The following CFAP53 variants were observed in gnomAD, a reference collection of about 807,000 sequenced individuals.
CFAP53 encodes cilia- and flagella-associated protein 53.
CFAP53 carries 62 observed loss-of-function variants against 59.7 expected under a neutral mutation model. The ratio of observed to expected loss-of-function variants is 1.04; its 90% CI spans 0.85 to 1.28. CFAP53 has a LOEUF of 1.28. CFAP53 is among the 50% of genes most tolerant of loss of function. The pLI is 0.00. For synonymous variants in CFAP53, 218 were observed against 205.7 expected, an observed-to-expected ratio of 1.06 and a Z score of -0.51; for missense variants, 629 against 615.6, an observed-to-expected ratio of 1.02 and a Z score of -0.23.
intron 6 of CFAP53, 71 bp from the exon 7 acceptor site, chr18:50,238,776 CAG>C (rs1368606188): frequency 8.9e-7 from 1 of 1,118,022 alleles, no homozygotes; most frequent in South Asian, 1.3e-5. Context: ...TTCTGGGCAC[CAG>C]AGTCATATTG....
chr18:50,260,962 C>T (rs1228332958), intron 3 of CFAP53, 102 bp downstream of exon 3: 1 of 1,157,442 alleles, frequency 8.6e-7, no homozygotes, highest in Non-Finnish European at 1.2e-6. Context: ...TACAACTACT[C>T]TGTATATCCT....
intron 7 of CFAP53, among the ~76,000 whole-genome samples, chr18:50,230,950 G>A (rs1437496783): frequency 6.6e-6 from 1 of 152,170 alleles, no homozygotes; most frequent in Non-Finnish European, 1.5e-5. Flanking sequence ...ATCCTATTTA[G>A]GGAAAAGGAA....
intron 3 of CFAP53, 24 bp from the exon 4 acceptor site, chr18:50,251,808 C>T: frequency 6.2e-7 from 1 of 1,601,808 alleles, no homozygotes; most frequent in Non-Finnish European, 8.5e-7. Context: ...TTTAAAAAGA[C>T]AAAACCCAGC....
intron 7 of CFAP53, among the ~76,000 whole-genome samples, chr18:50,237,713 C>T (rs187100942): frequency 1.2e-4 from 19 of 152,170 alleles, no homozygotes; most frequent in African/African-American, 4.6e-4. Flanking sequence ...ATAAGAAAAA[C>T]TGCAGGGAGG....
At chr18:50,241,771 G>A (rs545371701) in intron 6 of CFAP53, among the ~76,000 whole-genome samples, 1 of 152,182 alleles carries the variant, frequency 6.6e-6, no homozygotes, top group Non-Finnish European at 1.5e-5. Context: ...ATCACAAGGA[G>A]AAGGCAAAAT....
chr18:50,266,291 A>ATG, intron 1 of CFAP53, 45 bp downstream of exon 1: 3 of 1,591,048 alleles, frequency 1.9e-6, no homozygotes, highest in Non-Finnish European at 2.6e-6. Flanking sequence ...GAGTGCGGAG[A>ATG]GATGGAGAAA....
At chr18:50,263,202 T>A (rs1215596747) in intron 1 of CFAP53, among the ~76,000 whole-genome samples, 1 of 152,208 alleles carries the variant, frequency 6.6e-6, no homozygotes, top group Non-Finnish European at 1.5e-5. Flanking sequence ...GGAGCCACCA[T>A]AAAATCCATA....
At chr18:50,259,728 C>T (rs887631496) in intron 3 of CFAP53, among the ~76,000 whole-genome samples, 32 of 151,976 alleles carry the variant, frequency 2.1e-4, no homozygotes, top group African/African-American at 6.3e-4. Flanking sequence ...CCACTGCGCC[C>T]GGCCAATTTT....
chr18:50,247,026 C>T (rs34696942), intron 5 of CFAP53, among the ~76,000 whole-genome samples: 8,189 of 149,252 alleles, frequency 0.055, 301 homozygotes, highest in Non-Finnish European at 0.079. Context: ...CCAGCCTGGG[C>T]GACAAGAGTG....
At chr18:50,245,052 G>A (rs2033729645) in intron 5 of CFAP53, among the ~76,000 whole-genome samples, 1 of 95,136 alleles carries the variant, frequency 1.1e-5, no homozygotes, top group Non-Finnish European at 2.1e-5. Flanking sequence ...GACAGAATGA[G>A]ACTCTATCTC....
intron 3 of CFAP53, among the ~76,000 whole-genome samples, chr18:50,260,328 A>G (rs2033879143): frequency 6.6e-6 from 1 of 152,162 alleles, no homozygotes; most frequent in South Asian, 2.1e-4. Flanking sequence ...ATCAGACCCC[A>G]GTGATCAGAA....
chr18:50,236,230 G>A (rs2033632418), intron 7 of CFAP53, among the ~76,000 whole-genome samples: 1 of 152,132 alleles, frequency 6.6e-6, no homozygotes, highest in Non-Finnish European at 1.5e-5. Flanking sequence ...GCAAGCCTTT[G>A]TTTCCTGGCA....
intron 3 of CFAP53, among the ~76,000 whole-genome samples, chr18:50,260,573 G>A (rs2033881722): frequency 6.6e-6 from 1 of 152,136 alleles, no homozygotes; most frequent in South Asian, 2.1e-4. Context: ...GCTGAGGTGG[G>A]AGGATCACTT....
chr18:50,232,328 C>T (rs1223898804), intron 7 of CFAP53, among the ~76,000 whole-genome samples: 1 of 152,184 alleles, frequency 6.6e-6, no homozygotes, highest in African/African-American at 2.4e-5. Context: ...AGAAAACCAT[C>T]AAATTAGCCT....
At position 50,266,191 on chromosome 18, in the gene CFAP53, T is replaced by G. The variant is rs1169634248; in HGVS notation, c.69+145A>C. 265 of 711,170 alleles carry G rather than the reference T, an allele frequency of 3.7e-4. 1 individual carries two copies. Among genetic ancestry groups the G allele is most frequent in the Non-Finnish European group, 5.7e-5 (23 of 401,116 alleles). 44.1% of individuals were successfully genotyped at this position (711,170 alleles called of 1,614,324 possible). On this transcript the variant is annotated intron_variant, in intron 1 of 7. Coordinates refer to ENST00000398545, the MANE Select transcript of CFAP53 (RefSeq NM_145020.5). The stretch of plus-strand genomic sequence containing the variant: ...GATAGGTGAGCGACCTTATCTTCCT[T>G]CTTTCAAAATTCAACCCACTGCATC...
In CFAP53 at chr18:50,249,151, C is replaced by A. The variant is rs1286458842; in HGVS notation, c.996+1607G>T. 8.2e-5 allele frequency among the ~76,000 whole-genome samples: 12 copies of A among 146,220 alleles called. No individual in the cohort carries two copies. In the East Asian group the frequency reaches 2.2e-3, roughly 27 times the overall value. ...CCATGAGGCGGAGGTTGCAGTGAGC[C>A]GAGATCACGCCACTGCACTCCAGCC... On this transcript the variant is annotated intron_variant, in intron 5 of 7. Coordinates refer to ENST00000398545, the MANE Select transcript of CFAP53 (RefSeq NM_145020.5).
chr18:50,240,365 C>T (rs1830157151), intron 6 of CFAP53, among the ~76,000 whole-genome samples: 1 of 152,222 alleles, frequency 6.6e-6, no homozygotes, highest in South Asian at 2.1e-4. Flanking sequence ...ATTCTCTACC[C>T]TGACTCATTC....
At chr18:50,228,330 C>T (rs1050658708) in intron 7 of CFAP53, among the ~76,000 whole-genome samples, 2 of 152,056 alleles carry the variant, frequency 1.3e-5, no homozygotes, top group East Asian at 3.9e-4. Flanking sequence ...GGGCCACATC[C>T]CCGCACAAGA....
Position 50,251,481 on chromosome 18 carries a change from C to G in CFAP53, c.777G>C (p.Val259=), listed in dbSNP as rs557771609. 4.8e-5 allele frequency: 78 copies of G among 1,611,558 alleles called. No individual in the cohort carries two copies. The Middle Eastern group carries it at 6.6e-4, about 14-fold the overall frequency. ...TCTAACAAGCATTTTAAAGGCCCAC[C>G]ACAAGGCGTGCCTCCTCTTCCTTCA... ...QLLKEEEARL[V]ESNNAQIKHE... is the part of the protein sequence containing the mutation. The change falls in exon 4 of 8, where the codon GTG becomes GTC. Residue 259 remains valine, a splice_region_variant and synonymous_variant. Transcript: ENST00000398545.
Sources: allele counts gnomAD v4.1 joint callset (sites outside exome capture counted in the v4.1 genomes callset), GRCh38; gene constraint gnomAD v4.1.1; transcripts MANE v1.5; gene names NCBI Gene and HGNC (gene_info 2026-07-23, HGNC 2026-07-21).